Variants in FGFR4 observed in about 807,000 individuals in gnomAD.
The protein encoded by FGFR4 is fibroblast growth factor receptor 4, also known as hydroxyaryl-protein kinase.
FGFR4 carries 63 observed loss-of-function variants against 89.9 expected under a neutral mutation model. The ratio of observed to expected loss-of-function variants is 0.70; its 90% confidence interval spans 0.57 to 0.86. FGFR4 has a LOEUF of 0.86. Ranked by LOEUF, FGFR4 falls within the 40% of genes least tolerant of loss-of-function variation. The pLI, the probability that FGFR4 is intolerant of heterozygous loss-of-function variation, is 0.00. For synonymous variants in FGFR4, 486 were observed against 479.4 expected (o/e 1.01, Z -0.18); for missense variants, 928 against 1,106.7 (o/e 0.84, Z 2.29).
rs201257476 is a variant in FGFR4, at chr5:177,090,962, G to T, written c.461G>T (p.Arg154Leu). The stretch of plus-strand genomic sequence containing the variant: ...GCACCCTACTGGACACACCCCCAGC[G>T]CATGGAGAAGAAACTGCATGCAGTA... ...QQAPYWTHPQ[R>L]MEKKLHAVPA... Residue 154 changes from arginine to leucine, a missense_variant, in exon 5 of 18, where the codon CGC becomes CTC. Arg to Leu is a moderately radical substitution (Grantham distance 102). Transcript: ENST00000292408. The T allele has an allele frequency of 1.2e-6, 2 of 1,614,080 alleles. No homozygotes were observed. The highest frequency in any genetic ancestry group is 1.7e-6 in the Non-Finnish European group (2 of 1,179,954).
Position 177,089,550 on chromosome 5 carries a change from G to A in FGFR4, c.-53G>A. ...GAGCTCTTTTCCCTCCCTATTTTAGGAAGGCAGTTGGTGGGAAGTCCAGCT... is the reference window on the plus strand; with the variant it reads ...GAGCTCTTTTCCCTCCCTATTTTAGAAAGGCAGTTGGTGGGAAGTCCAGCT... On this transcript the variant is annotated splice_region_variant and 5_prime_UTR_variant, in exon 2 of 18. Transcript: ENST00000292408. The A allele has an allele frequency of 1.3e-6, 2 of 1,574,482 alleles. No individual in the cohort carries two copies. The highest frequency in any genetic ancestry group is 2.3e-5 in the South Asian group (2 of 87,812).
At chr5:177,096,006 C>A in intron 13 of FGFR4, 51 bp from the exon 14 acceptor site, 1 of 1,589,894 alleles carries the variant, frequency 6.3e-7, no homozygotes, top group Non-Finnish European at 8.6e-7. Context: ...GTGGTGTGTG[C>A]TCAACTCCAG....
intron 17 of FGFR4, 45 bp downstream of exon 17, chr5:177,097,442 C>G: frequency 6.2e-7 from 1 of 1,606,066 alleles, no homozygotes; most frequent in Non-Finnish European, 8.5e-7. Flanking sequence ...TGCTCCCCTC[C>G]AGGCCTCATC....
In FGFR4 at chr5:177,091,769, G is replaced by A; in HGVS notation, c.688G>A (p.Val230Met). Residue 230 changes from valine (V) to methionine (M), a missense_variant, in exon 6 of 18, where the codon GTG (valine) becomes ATG (methionine). Around this residue, in one of 5 missense-constraint regions of FGFR4, gnomAD observed 741 missense variants for 836.9 expected, o/e 0.89. Transcript: ENST00000292408. ...ATACACCTGCCTGGTAGAGAACGCT[G>A]TGGGCAGCATCCGCTATAACTACCT... ...GTYTCLVENA[V>M]GSIRYNYLLD... is the part of the protein sequence containing the mutation. The A allele has an allele frequency of 1.9e-6, 3 of 1,614,234 alleles. No individual in the cohort carries two copies. The highest frequency in any genetic ancestry group is 2.5e-6 in the Non-Finnish European group (3 of 1,180,042).
chr5:177,091,655 G>T lies in FGFR4; in HGVS notation c.604-30G>T, dbSNP rs753725940. 4.3e-6 allele frequency: 7 copies of T among 1,612,380 alleles called. No homozygotes were observed. In the African/African-American group the frequency reaches 8.0e-5, roughly 18 times the overall value. ...CTGGCCCCCTTGGTGGACATGGTCC[G>T]GTGGTCCCGGACACTCTCTCTGCCT... On this transcript the variant is annotated intron_variant, in intron 5 of 17. Transcript: ENST00000292408.
At chr5:177,097,220 G>A (rs1056399866) in intron 16 of FGFR4, 72 bp from the exon 17 acceptor site, 3 of 1,301,400 alleles carry the variant, frequency 2.3e-6, no homozygotes, top group African/African-American at 3.0e-5. Context: ...TCCCCACCCA[G>A]AGAACCCCCG....
intron 6 of FGFR4, 32 bp downstream of exon 6, chr5:177,091,840 G>T: frequency 6.2e-7 from 1 of 1,611,882 alleles, no homozygotes; most frequent in South Asian, 1.1e-5. Flanking sequence ...GGGGAGGCCT[G>T]ACCCATTTTG....
At chr5:177,092,008 TC>T (rs1368364065) in intron 6 of FGFR4, among the ~76,000 whole-genome samples, 200 bp downstream of exon 6, 1 of 151,882 alleles carries the variant, frequency 6.6e-6, no homozygotes, top group Non-Finnish European at 1.5e-5. Flanking sequence ...AAGAAGGACA[TC>T]CAGGCAGAGG....
rs774049111 is a variant in FGFR4, at chr5:177,089,540, C to G, written c.-53-10C>G. 7.7e-6 allele frequency: 12 copies of G among 1,557,990 alleles called. No individual in the cohort carries two copies. The highest frequency in any genetic ancestry group is 2.7e-5 in the African/African-American group (2 of 72,980). ...CGTGTAGCAGGAGCTCTTTTCCCTCCCTATTTTAGGAAGGCAGTTGGTGGG... is the reference window on the plus strand; with the variant it reads ...CGTGTAGCAGGAGCTCTTTTCCCTCGCTATTTTAGGAAGGCAGTTGGTGGG... On this transcript the variant is annotated splice_polypyrimidine_tract_variant and intron_variant, in intron 1 of 17. Transcript: ENST00000292408.
At position 177,089,666 on chromosome 5, in the gene FGFR4, C is replaced by T. The variant is rs1021400810; in HGVS notation, c.64C>T (p.Leu22=). ...LSVPGPPVLS[L]EASEEVELEP... is the part of the protein sequence containing the mutation. Reference sequence around the variant, plus strand: ...TGTGCCTGGGCCTCCAGTCTTGTCCCTGGAGGCCTCTGAGGAAGTGGAGCT... The same window carrying T: ...TGTGCCTGGGCCTCCAGTCTTGTCCTTGGAGGCCTCTGAGGAAGTGGAGCT... The change falls in exon 2 of 18, where the codon CTG becomes TTG. Residue 22 remains leucine (L), a synonymous_variant. Transcript: ENST00000292408. The T allele has an allele frequency of 6.2e-7, 1 of 1,613,946 alleles. No homozygotes were observed. Among genetic ancestry groups the T allele is most frequent in the Admixed American group, 1.7e-5 (1 of 59,994 alleles).
Position 177,095,875 on chromosome 5 carries a change from C to T in FGFR4, c.1821+152C>T, listed in dbSNP as rs916410176. 4 of 1,251,968 alleles carry T rather than the reference C, an allele frequency of 3.2e-6. No individual in the cohort carries two copies. Among genetic ancestry groups the T allele is most frequent in the Non-Finnish European group, 4.3e-6 (4 of 923,988 alleles). 77.6% of individuals were successfully genotyped at this position (1,251,968 alleles called of 1,614,324 possible). ...TTCACGCTTTCCTGCATTCCCCACT[C>T]GTTCCTCACCCTTCCCCAGAGGGGA... is the stretch of plus-strand genomic sequence containing the variant. On this transcript the variant is annotated intron_variant, in intron 13 of 17. Transcript: ENST00000292408. The surrounding 1 kb of genome is among the most constrained non-coding windows in gnomAD (Gnocchi z 5.7).
At position 177,093,363 on chromosome 5, in the gene FGFR4, C is replaced by T. The variant is rs779914978; in HGVS notation, c.1251+32C>T. On this transcript the variant is annotated intron_variant, in intron 9 of 17. Coordinates refer to ENST00000292408, the MANE Select transcript of FGFR4 (RefSeq NM_213647.3). The surrounding 1 kb of genome is among the most constrained non-coding windows in gnomAD (Gnocchi z 5.8). Reference sequence around the variant, plus strand: ...GGCGCATCCCCCACCTCACATGTGACAGCCTGACTCCAGCAGGCAGAACCA... The same window carrying T: ...GGCGCATCCCCCACCTCACATGTGATAGCCTGACTCCAGCAGGCAGAACCA... 1 of 1,613,690 alleles carries T rather than the reference C, an allele frequency of 6.2e-7. No homozygotes were observed. The highest frequency in any genetic ancestry group is 1.1e-5 in the South Asian group (1 of 91,072).
chr5:177,092,727 C>G lies in FGFR4; in HGVS notation c.1000C>G (p.Leu334Val). The G allele has an allele frequency of 6.2e-7, 1 of 1,614,254 alleles. No individual in the cohort carries two copies. Among genetic ancestry groups the G allele is most frequent in the Non-Finnish European group, 8.5e-7 (1 of 1,180,046 alleles). The change falls in exon 8 of 18, where the codon CTC becomes GTC. Residue 334 changes from leucine to valine, a missense_variant. Transcript: ENST00000292408. ...CGAGGACGCAGGCGAGTACACCTGC[C>G]TCGCAGGCAATTCCATCGGCCTCTC... ...SAEDAGEYTCLAGNSIGLSYQ... is the reference protein window; with the variant it reads ...SAEDAGEYTCVAGNSIGLSYQ...
chr5:177,095,516 C>T lies in FGFR4; in HGVS notation c.1631-17C>T, dbSNP rs1177421744. ...AGCTTTGGCAGCCTCTCCACGCTCCCTCCACTCCCTCTGCAGGGCCCCTGT... is the reference window on the plus strand; with the variant it reads ...AGCTTTGGCAGCCTCTCCACGCTCCTTCCACTCCCTCTGCAGGGCCCCTGT... On this transcript the variant is annotated splice_polypyrimidine_tract_variant and intron_variant, in intron 12 of 17. Transcript: ENST00000292408. The surrounding 1 kb of genome is among the most constrained non-coding windows in gnomAD (Gnocchi z 5.7). The T allele has an allele frequency of 6.2e-7, 1 of 1,611,994 alleles. No individual in the cohort carries two copies. The highest frequency in any genetic ancestry group is 2.2e-5 in the East Asian group (1 of 44,776).
In FGFR4 at chr5:177,097,610, C is replaced by T. The variant is rs1784657511; in HGVS notation, c.2343C>T (p.Val781=). 6.2e-7 allele frequency: 1 copy of T among 1,614,104 alleles called. No individual in the cohort carries two copies. Among genetic ancestry groups the T allele is most frequent in the Admixed American group, 1.7e-5 (1 of 60,010 alleles). The change falls in exon 18 of 18, where the codon GTC becomes GTT. Residue 781 remains valine, a synonymous_variant. Coordinates refer to ENST00000292408, the MANE Select transcript of FGFR4 (RefSeq NM_213647.3). The part of the protein sequence containing the change: ...ASSTCSSSDS[V]FSHDPLPLGS... ...GCACCTGCTCCTCCAGCGATTCTGT[C>T]TTCAGCCACGACCCCCTGCCATTGG...
rs1456338648 is a variant in FGFR4 at position 177,092,661 on chromosome 5, A to G, written c.934A>G (p.Ser312Gly). The change falls in exon 8 of 18, where the codon AGC becomes GGC. Residue 312 changes from serine to glycine, a missense_variant. This residue lies in a region of FGFR4 where 741 missense variants were observed against 836.9 expected (regional missense o/e 0.89). Transcript: ENST00000292408. ...VQVLKTADIN[S>G]SEVEVLYLRN... ...CCCACCCCAGACTGCAGACATCAAT[A>G]GCTCAGAGGTGGAGGTCCTGTACCT... 3 of 1,608,508 alleles carry G rather than the reference A, an allele frequency of 1.9e-6. No individual in the cohort carries two copies. In the Admixed American group the frequency reaches 5.0e-5, roughly 27 times the overall value.
At chr5:177,094,115 C>T (rs904015352) in intron 11 of FGFR4, among the ~76,000 whole-genome samples, 1 of 151,770 alleles carries the variant, frequency 6.6e-6, no homozygotes, top group East Asian at 1.9e-4. Context: ...ACGTGGCAGC[C>T]TGGAGGAGGT....
intron 1 of FGFR4, chr5:177,088,392 G>C (rs1002337401): frequency 1.0e-5 from 2 of 195,096 alleles, no homozygotes; most frequent in Non-Finnish European, 2.1e-5. Context: ...GATGAAGGTT[G>C]AAGAGCCGAG....
In FGFR4 at chr5:177,092,455, G is replaced by A. The variant is rs752008617; in HGVS notation, c.862G>A (p.Val288Ile). Reference protein sequence around the residue: ...QPHIQWLKHIVINGSSFGADG... With the variant: ...QPHIQWLKHIIINGSSFGADG... Reference sequence around the variant, plus strand: ...CCACATCCAGTGGCTGAAGCACATCGTCATCAACGGCAGCAGCTTCGGAGC... The same window carrying A: ...CCACATCCAGTGGCTGAAGCACATCATCATCAACGGCAGCAGCTTCGGAGC... The change falls in exon 7 of 18, where the codon GTC (valine) becomes ATC (isoleucine). Residue 288 changes from valine (V) to isoleucine (I), a missense_variant. Val to Ile is a conservative substitution (Grantham distance 29). Coordinates refer to ENST00000292408, the MANE Select transcript of FGFR4 (RefSeq NM_213647.3). The A allele has an allele frequency of 3.2e-5, 52 of 1,601,980 alleles. No individual in the cohort carries two copies. In the African/African-American group the frequency reaches 3.8e-4, roughly 12 times the overall value.
Sources: gnomAD v4.1 joint callset for allele counts (sites outside exome capture counted in the v4.1 genomes callset) on GRCh38, gnomAD v4.1.1 for gene constraint, gnomAD v4.1.1 regional missense constraint, Gnocchi (gnomAD v3.1) non-coding constraint, MANE v1.5 for transcripts, NCBI Gene and HGNC (gene_info 2026-07-23, HGNC 2026-07-21) for gene names.